The following GOPC variants were observed in gnomAD, a reference collection of about 807,000 sequenced individuals.
GOPC encodes golgi associated PDZ and coiled-coil motif containing.
Under a neutral mutation model 51.2 loss-of-function variants are expected in GOPC, and 32 were observed. That is an observed-to-expected ratio of 0.63 (90% CI 0.47 to 0.84). GOPC has a LOEUF of 0.84. Among genes scored for constraint, GOPC ranks in the 40% least tolerant of loss-of-function variants. GOPC has a pLI of 0.00. For missense variants in GOPC, 441 were observed against 555.5 expected (o/e 0.79, Z 2.07); for synonymous variants, 190 against 205.1 (o/e 0.93, Z 0.63).
chr6:117,587,456 C>G (rs776850383), intron 1 of GOPC, among the ~76,000 whole-genome samples: 9 of 151,852 alleles, frequency 5.9e-5, no homozygotes, highest in Non-Finnish European at 1.2e-4. Flanking sequence ...CTGGGCAACA[C>G]AGCAAAACCC....
At chr6:117,587,982 C>T (rs927590390) in intron 1 of GOPC, among the ~76,000 whole-genome samples, 1 of 152,036 alleles carries the variant, frequency 6.6e-6, no homozygotes, top group Non-Finnish European at 1.5e-5. Flanking sequence ...AGAAATAATC[C>T]TCCCACCTCA....
Position 117,563,119 on chromosome 6 carries a change from GA to G in GOPC, c.*134del. Reference sequence around the variant, plus strand: ...TTTATGCATTGAGAATTGTTCACATGAAGCCCTGAGGTACCCGCCTTTCATT... The same window carrying G: ...TTTATGCATTGAGAATTGTTCACATGAGCCCTGAGGTACCCGCCTTTCATT... On this transcript the variant is annotated 3_prime_UTR_variant, in exon 9 of 9. Transcript: ENST00000368498. 1.4e-6 allele frequency: 1 copy of G among 729,656 alleles called. No individual in the cohort carries two copies. Among genetic ancestry groups the G allele is most frequent in the South Asian group, 1.8e-5 (1 of 56,596 alleles). The allele number at this position is 729,656 out of a possible 1,614,324, so 45.2% of individuals were successfully genotyped here. A position where few individuals can be genotyped will look rare whatever the true frequency, so the allele number is the denominator to read the frequency against.
intron 5 of GOPC, 50 bp from the exon 6 acceptor site, chr6:117,571,005 C>T (rs996678096): frequency 1.1e-6 from 1 of 878,318 alleles, no homozygotes; most frequent in African/African-American, 1.7e-5. Flanking sequence ...AAATAGCATA[C>T]CAAATAGAGT....
At chr6:117,563,500 T>C in intron 8 of GOPC, 116 bp from the exon 9 acceptor site, 1 of 909,058 alleles carries the variant, frequency 1.1e-6, no homozygotes, top group Non-Finnish European at 1.7e-6. Context: ...GGTGGGTGGA[T>C]AACCTGAGGT....
At chr6:117,590,652 C>T (rs1014978330) in intron 1 of GOPC, among the ~76,000 whole-genome samples, 6 of 149,150 alleles carry the variant, frequency 4.0e-5, no homozygotes, top group South Asian at 2.1e-4. Flanking sequence ...ATTTGAAAGA[C>T]GTGTGATGTA....
Position 117,578,936 on chromosome 6 carries a change from A to G in GOPC, c.414T>C (p.Gly138=). ...TAATGGTACCAGAGTCAGCACTTTG[A>G]CCAGTTTTAGCATGAAGCTGCAGCT... is the stretch of plus-strand genomic sequence containing the variant. ...SIQLQLHAKT[G]QSADSGTIKA... The change falls in exon 2 of 9, where the codon GGT becomes GGC. Residue 138 remains glycine, a synonymous_variant. Transcript: ENST00000368498. The G allele has an allele frequency of 6.2e-7, 1 of 1,608,092 alleles. No homozygotes were observed. Among genetic ancestry groups the G allele is most frequent in the Admixed American group, 1.7e-5 (1 of 58,772 alleles).
At chr6:117,577,306 T>C (rs1398076650) in intron 3 of GOPC, 142 bp downstream of exon 3, 4 of 718,086 alleles carry the variant, frequency 5.6e-6, no homozygotes, top group African/African-American at 1.8e-5. Flanking sequence ...TCCACTGAAC[T>C]TTTCAGGTAC....
chr6:117,602,375 GCGCGCGC>G lies in GOPC; in HGVS notation c.-94_-88del. On this transcript the variant is annotated 5_prime_UTR_variant, in exon 1 of 9. Coordinates refer to ENST00000368498, the MANE Select transcript of GOPC (RefSeq NM_020399.4). Reference sequence around the variant, plus strand: ...AACTGCTGGGACTGAGGGGACCCCCGCGCGCGCGGGCACACTCCGTCACCTCCCTTCA... The same window carrying G: ...AACTGCTGGGACTGAGGGGACCCCCGGGGCACACTCCGTCACCTCCCTTCA... 7.6e-7 allele frequency: 1 copy of G among 1,322,130 alleles called. No homozygotes were observed. The highest frequency in any genetic ancestry group is 1.0e-6 in the Non-Finnish European group (1 of 994,920). The allele number at this position is 1,322,130 out of a possible 1,614,324, so 81.9% of individuals were successfully genotyped here.
chr6:117,572,397 T>C (rs1157122376), intron 5 of GOPC, among the ~76,000 whole-genome samples: 1 of 152,208 alleles, frequency 6.6e-6, no homozygotes, highest in Non-Finnish European at 1.5e-5. Context: ...TGGATGACCA[T>C]AGTATCTTTC....
intron 8 of GOPC, among the ~76,000 whole-genome samples, chr6:117,565,164 T>C (rs1367322132): frequency 6.6e-6 from 1 of 152,172 alleles, no homozygotes; most frequent in East Asian, 1.9e-4. Flanking sequence ...AACTCTATGT[T>C]CCAAACAAAA....
chr6:117,573,490 G>A lies in GOPC; in HGVS notation c.793C>T (p.Pro265Ser), dbSNP rs763927369. The A allele has an allele frequency of 8.7e-6, 14 of 1,613,794 alleles. No homozygotes were observed. In the Middle Eastern group the frequency reaches 4.9e-4, roughly 57 times the overall value. ...ACRGRNDLKR[P>S]MQAPPGHDQD... is the part of the protein sequence containing the mutation. ...ACATGGCCTGGTGGTGCTTGCATTG[G>A]TCGTTTCAAGTCATTACGTCCTCTG... Residue 265 changes from proline (P) to serine (S), a missense_variant, in exon 5 of 9, where the codon CCA (proline) becomes TCA (serine). This residue lies in a region of GOPC where 166 missense variants were observed against 267.0 expected (regional missense o/e 0.62). Coordinates refer to ENST00000368498, the MANE Select transcript of GOPC (RefSeq NM_020399.4).
At chr6:117,584,996 T>A (rs772587881) in intron 1 of GOPC, among the ~76,000 whole-genome samples, 5 of 152,166 alleles carry the variant, frequency 3.3e-5, no homozygotes, top group Non-Finnish European at 7.4e-5. Context: ...ATGCTGCCTG[T>A]ACAGCCTGCA....
intron 1 of GOPC, among the ~76,000 whole-genome samples, chr6:117,600,250 CT>C: frequency 6.9e-6 from 1 of 144,888 alleles, no homozygotes; most frequent in Non-Finnish European, 1.5e-5. Flanking sequence ...TCAGGTCTTT[CT>C]TCCTCTTCTT....
chr6:117,591,875 T>C (rs559431166), intron 1 of GOPC, among the ~76,000 whole-genome samples: 2 of 152,348 alleles, frequency 1.3e-5, no homozygotes, highest in African/African-American at 4.8e-5. Flanking sequence ...CACTCTAGAA[T>C]GATCAGGCAA....
At chr6:117,588,446 T>C (rs191103220) in intron 1 of GOPC, among the ~76,000 whole-genome samples, 140 of 152,104 alleles carry the variant, frequency 9.2e-4, no homozygotes, top group African/African-American at 3.3e-3. Flanking sequence ...CAGCTAATTT[T>C]TGTATTTTTA....
chr6:117,597,184 T>A (rs1219023600), intron 1 of GOPC, among the ~76,000 whole-genome samples: 1 of 152,210 alleles, frequency 6.6e-6, no homozygotes, highest in African/African-American at 2.4e-5. Context: ...TGATTCTCAG[T>A]TTGGTCACTG....
At chr6:117,590,859 G>GTTTTA (rs1470362603) in intron 1 of GOPC, among the ~76,000 whole-genome samples, 2 of 151,876 alleles carry the variant, frequency 1.3e-5, no homozygotes, top group African/African-American at 4.8e-5. Context: ...GTTTTGTTTT[G>GTTTTA]TTTTGTTTTT....
chr6:117,592,412 A>C (rs1045185108), intron 1 of GOPC, among the ~76,000 whole-genome samples: 3 of 152,080 alleles, frequency 2.0e-5, no homozygotes, highest in Admixed American at 2.0e-4. Context: ...CAACAACATA[A>C]GTTTATTCTT....
At chr6:117,578,839 A>C in intron 2 of GOPC, 61 bp downstream of exon 2, 1 of 1,143,748 alleles carries the variant, frequency 8.7e-7, no homozygotes, top group Non-Finnish European at 1.2e-6. Context: ...GTCTCATTCA[A>C]AATTGTCCTG....
Sources: allele counts gnomAD v4.1 joint callset (sites outside exome capture counted in the v4.1 genomes callset), GRCh38; gene constraint gnomAD v4.1.1; regional missense constraint gnomAD v4.1.1; transcripts MANE v1.5; gene names NCBI Gene and HGNC (gene_info 2026-07-23, HGNC 2026-07-21).